Variants in RBFOX1 observed in about 807,000 individuals in gnomAD.
The protein encoded by RBFOX1 is RNA binding fox-1 homolog 1.
A neutral mutation model predicts 57.7 loss-of-function variants in RBFOX1; 8 were observed. The ratio of observed to expected loss-of-function variants is 0.14; its 90% CI spans 0.08 to 0.25. The LOEUF is 0.25. RBFOX1 is among the 10% of genes least tolerant of loss of function. The pLI, the probability that RBFOX1 is intolerant of heterozygous loss-of-function variation, is 1.00. For missense variants in RBFOX1, 611 were observed against 548.5 expected (o/e 1.11, Z -1.14); for synonymous variants, 326 against 222.4 (o/e 1.47, Z -4.15).
intron 3 of RBFOX1, among the ~76,000 whole-genome samples, chr16:6,999,362 C>T (rs1269457284): frequency 6.6e-6 from 1 of 151,182 alleles, no homozygotes; most frequent in Non-Finnish European, 1.5e-5. Flanking sequence ...TGGCCAGGAG[C>T]TACATTTTTA....
chr16:7,612,422 T>C (rs1330802333), intron 10 of RBFOX1, among the ~76,000 whole-genome samples: 1 of 151,392 alleles, frequency 6.6e-6, no homozygotes, highest in Non-Finnish European at 1.5e-5. Flanking sequence ...GTATGGCCCT[T>C]CTTTAGAGTT....
chr16:6,892,969 T>G (rs1334283700), intron 3 of RBFOX1, among the ~76,000 whole-genome samples: 1 of 152,134 alleles, frequency 6.6e-6, no homozygotes, highest in Non-Finnish European at 1.5e-5. Flanking sequence ...TGCCTTGATC[T>G]AGTTTTACTT....
At chr16:7,471,137 C>T (rs1286084705) in intron 4 of RBFOX1, among the ~76,000 whole-genome samples, 6 of 152,004 alleles carry the variant, frequency 3.9e-5, no homozygotes, top group African/African-American at 1.4e-4. Context: ...GTTTATTTGC[C>T]ATTATTCTTG....
intron 2 of RBFOX1, among the ~76,000 whole-genome samples, chr16:5,553,299 G>A (rs2045536289): frequency 1.3e-5 from 2 of 150,720 alleles, no homozygotes; most frequent in African/African-American, 2.4e-5. Context: ...AAAGTAAGGT[G>A]TATGCCATAT....
chr16:7,553,563 AG>A (rs1241116134), intron 5 of RBFOX1, among the ~76,000 whole-genome samples: 2 of 152,210 alleles, frequency 1.3e-5, no homozygotes, highest in Non-Finnish European at 2.9e-5. Context: ...TACTCACAAG[AG>A]AAGGGGGATA....
At chr16:6,179,693 A>T (rs1177054572) in intron 1 of RBFOX1, among the ~76,000 whole-genome samples, 1 of 152,070 alleles carries the variant, frequency 6.6e-6, no homozygotes, top group Non-Finnish European at 1.5e-5. Context: ...CTTTCCTATT[A>T]TTATTGTTGT....
At chr16:5,387,445 T>G (rs544330470) in intron 1 of RBFOX1, among the ~76,000 whole-genome samples, 5 of 152,202 alleles carry the variant, frequency 3.3e-5, no homozygotes, top group Non-Finnish European at 7.3e-5. Context: ...CTGTTATGCC[T>G]TTGAGGGACA....
At chr16:5,875,439 G>A (rs1053811447) in intron 4 of RBFOX1, among the ~76,000 whole-genome samples, 2 of 152,116 alleles carry the variant, frequency 1.3e-5, no homozygotes, top group Non-Finnish European at 2.9e-5. Flanking sequence ...TCTTTGTCTC[G>A]TTTGTCTGTT....
intron 1 of RBFOX1, among the ~76,000 whole-genome samples, chr16:5,242,435 AGCCCACTGCT>A (rs911171507): frequency 1.5e-4 from 23 of 152,190 alleles, no homozygotes; most frequent in African/African-American, 5.5e-4. Flanking sequence ...TTTGGCCCAA[AGCCCACTGCT>A]GCCCACAGTG....
At chr16:6,190,427 T>C (rs2097134243) in intron 1 of RBFOX1, among the ~76,000 whole-genome samples, 1 of 152,256 alleles carries the variant, frequency 6.6e-6, no homozygotes, top group Non-Finnish European at 1.5e-5. Context: ...CCTGGCTTTA[T>C]GCAACAGACT....
At chr16:7,259,409 CT>C (rs1284978999) in intron 4 of RBFOX1, among the ~76,000 whole-genome samples, 10 of 151,038 alleles carry the variant, frequency 6.6e-5, no homozygotes, top group East Asian at 3.9e-4. Context: ...AGGGCAGGAA[CT>C]TTTTTTTTAA....
intron 3 of RBFOX1, among the ~76,000 whole-genome samples, chr16:6,799,284 G>T (rs76146897): frequency 6.6e-4 from 100 of 152,278 alleles, no homozygotes; most frequent in African/African-American, 2.3e-3. Flanking sequence ...AGCACTCCTG[G>T]ATTGTTGGCT....
chr16:6,943,216 G>A (rs1217647168), intron 3 of RBFOX1, among the ~76,000 whole-genome samples: 1 of 152,172 alleles, frequency 6.6e-6, no homozygotes, highest in Non-Finnish European at 1.5e-5. Flanking sequence ...TTGCCTATAA[G>A]GTTATAGAGC....
At chr16:5,786,361 C>T (rs568058952) in intron 3 of RBFOX1, among the ~76,000 whole-genome samples, 2 of 152,222 alleles carry the variant, frequency 1.3e-5, no homozygotes, top group African/African-American at 4.8e-5. Context: ...TGATAACGTC[C>T]ATTCCTCTGC....
intron 4 of RBFOX1, among the ~76,000 whole-genome samples, chr16:7,517,138 C>CGTGTGTGTGTGTGT (rs200887129): frequency 4.6e-5 from 6 of 130,220 alleles, no homozygotes; most frequent in East Asian, 4.6e-4. Context: ...TTTCTTATGC[C>CGTGTGTGTGTGTGT]GTGTGTGTGT....
intron 3 of RBFOX1, among the ~76,000 whole-genome samples, chr16:5,607,703 G>A (rs2047635227): frequency 6.6e-6 from 1 of 152,126 alleles, no homozygotes; most frequent in Non-Finnish European, 1.5e-5. Flanking sequence ...ACTTCTCTCT[G>A]TCGACACTAC....
chr16:7,229,585 G>C (rs943181694), intron 4 of RBFOX1, among the ~76,000 whole-genome samples: 3 of 134,792 alleles, frequency 2.2e-5, no homozygotes, highest in African/African-American at 3.1e-5. Context: ...AGGAGAAAGG[G>C]AGAGAGAGGA....
intron 1 of RBFOX1, among the ~76,000 whole-genome samples, chr16:5,248,245 T>C (rs1472749587): frequency 1.3e-5 from 2 of 152,248 alleles, no homozygotes; most frequent in African/African-American, 4.8e-5. Context: ...TTTTATAATG[T>C]CTAAGCATGC....
intron 3 of RBFOX1, among the ~76,000 whole-genome samples, chr16:5,716,330 T>C (rs8054703): frequency 0.54 from 82,599 of 152,134 alleles, 26,018 homozygotes; most frequent in Non-Finnish European, 0.72. Flanking sequence ...GGGAGATTGT[T>C]GTACAGATTG....
Sources: allele counts gnomAD v4.1 joint callset (sites outside exome capture counted in the v4.1 genomes callset), GRCh38; gene constraint gnomAD v4.1.1; transcripts MANE v1.5; gene names NCBI Gene and HGNC (gene_info 2026-07-23, HGNC 2026-07-21).